The following HDAC9 variants were observed in gnomAD, a reference collection of about 807,000 sequenced individuals.
The protein encoded by HDAC9 is histone deacetylase 9.
In HDAC9, 41 loss-of-function variants were observed where a neutral mutation model predicts 139.4. That is an observed-to-expected ratio of 0.29 (90% CI 0.23 to 0.38). HDAC9 has a LOEUF of 0.38. Ranked by LOEUF, HDAC9 falls within the 10% of genes least tolerant of loss-of-function variation. The pLI is 1.00. For missense variants in HDAC9, 1,147 were observed against 1,297.0 expected, an observed-to-expected ratio of 0.88 and a Z score of 1.78; for synonymous variants, 517 against 476.2, an observed-to-expected ratio of 1.09 and a Z score of -1.12.
At position 18,954,324 on chromosome 7, in the gene HDAC9, T is replaced by C. The variant is rs1008997431; in HGVS notation, c.3022+94T>C. 3.9e-5 allele frequency: 37 copies of C among 946,850 alleles called. No individual in the cohort carries two copies. The Admixed American group carries it at 8.4e-4, about 22-fold the overall frequency. The allele number at this position is 946,850 out of a possible 1,614,324, so 58.7% of individuals were successfully genotyped here. On this transcript the variant is annotated intron_variant, in intron 24 of 25. Coordinates refer to ENST00000686413, the MANE Select transcript of HDAC9 (RefSeq NM_178425.4). Reference sequence around the variant, plus strand: ...AGTACAAAGAAACATTTATTTAGAGTTATCATAATTTGCACATGCGTTCTT... The same window carrying C: ...AGTACAAAGAAACATTTATTTAGAGCTATCATAATTTGCACATGCGTTCTT...
intron 2 of HDAC9, among the ~76,000 whole-genome samples, chr7:18,228,756 A>G (rs1793239979): frequency 6.6e-6 from 1 of 152,198 alleles, no homozygotes; most frequent in Admixed American, 6.6e-5. Context: ...TACAACTTTG[A>G]ACTCAGGAAG....
intron 6 of HDAC9, among the ~76,000 whole-genome samples, chr7:18,607,257 T>C (rs946731326): frequency 9.2e-5 from 14 of 152,180 alleles, no homozygotes; most frequent in African/African-American, 3.4e-4. Flanking sequence ...TTGTAAGAAC[T>C]TCGAAAATCT....
chr7:18,156,288 G>A (rs79893395), intron 1 of HDAC9, among the ~76,000 whole-genome samples: 6,857 of 152,252 alleles, frequency 0.045, 232 homozygotes, highest in Non-Finnish European at 0.065. Flanking sequence ...AAAAGCCTGG[G>A]AAGTGACCCT....
chr7:18,872,480 G>T (rs919002380), intron 21 of HDAC9, among the ~76,000 whole-genome samples: 1 of 152,122 alleles, frequency 6.6e-6, no homozygotes. Flanking sequence ...TAAGAAAAGG[G>T]CACTATAAAG....
chr7:18,712,019 G>A (rs1322189576), intron 12 of HDAC9, among the ~76,000 whole-genome samples: 3 of 151,548 alleles, frequency 2.0e-5, no homozygotes, highest in African/African-American at 7.3e-5. Flanking sequence ...CCCAGTGGAT[G>A]TAGTGGGCCA....
intron 2 of HDAC9, among the ~76,000 whole-genome samples, chr7:18,205,495 A>G (rs958640468): frequency 6.6e-6 from 1 of 152,084 alleles, no homozygotes; most frequent in African/African-American, 2.4e-5. Flanking sequence ...TAATTATACT[A>G]TAATGCTACA....
intron 2 of HDAC9, among the ~76,000 whole-genome samples, chr7:18,521,915 G>A (rs965679478): frequency 1.3e-5 from 2 of 152,130 alleles, no homozygotes; most frequent in African/African-American, 2.4e-5. Flanking sequence ...GCCTTAGTAC[G>A]ATGTCTGGAA....
intron 2 of HDAC9, among the ~76,000 whole-genome samples, chr7:18,180,039 C>G (rs772625138): frequency 6.6e-6 from 1 of 152,154 alleles, no homozygotes; most frequent in Non-Finnish European, 1.5e-5. Flanking sequence ...CCAGATTTGT[C>G]TCTGTCTTTA....
intron 2 of HDAC9, among the ~76,000 whole-genome samples, chr7:18,187,253 C>A (rs1026809491): frequency 6.6e-6 from 1 of 152,158 alleles, no homozygotes; most frequent in African/African-American, 2.4e-5. Flanking sequence ...ATCTTCACAG[C>A]AATCCTGTGA....
At chr7:18,760,981 G>A (rs924759680) in intron 14 of HDAC9, among the ~76,000 whole-genome samples, 4 of 152,334 alleles carry the variant, frequency 2.6e-5, no homozygotes, top group East Asian at 1.9e-4. Context: ...GTTACCTGGT[G>A]GTTCCTTGGT....
intron 1 of HDAC9, among the ~76,000 whole-genome samples, chr7:18,356,632 C>T (rs1184595385): frequency 6.6e-6 from 1 of 152,042 alleles, no homozygotes; most frequent in African/African-American, 2.4e-5. Context: ...ACTTTCACAA[C>T]CTTTTTCCTT....
chr7:18,238,609 T>C (rs1038908284), intron 2 of HDAC9, among the ~76,000 whole-genome samples: 2 of 152,154 alleles, frequency 1.3e-5, no homozygotes, highest in Non-Finnish European at 2.9e-5. Context: ...AGTACCACAA[T>C]TTTTAGATTC....
At chr7:18,171,567 A>T (rs1235461867) in intron 2 of HDAC9, among the ~76,000 whole-genome samples, 4 of 152,130 alleles carry the variant, frequency 2.6e-5, no homozygotes, top group Admixed American at 6.6e-5. Flanking sequence ...ATTCAGTATG[A>T]TATTGGCTGT....
intron 1 of HDAC9, among the ~76,000 whole-genome samples, chr7:18,463,631 T>C (rs1168488454): frequency 6.6e-6 from 1 of 151,932 alleles, no homozygotes; most frequent in East Asian, 1.9e-4. Context: ...CAGTTACCTT[T>C]TTAAAAAATT....
At chr7:18,446,243 A>C (rs181991027) in intron 1 of HDAC9, among the ~76,000 whole-genome samples, 4 of 152,380 alleles carry the variant, frequency 2.6e-5, no homozygotes, top group Admixed American at 6.5e-5. Flanking sequence ...GAAGATGGCC[A>C]AAAATAAATA....
In HDAC9 at chr7:18,252,531, A is replaced by T. The variant is rs758752818; in HGVS notation, c.25+90182A>T. 5.7e-4 allele frequency among the ~76,000 whole-genome samples: 87 copies of T among 152,332 alleles called. No homozygotes were observed. The Middle Eastern group carries it at 0.024, about 42-fold the overall frequency. ...GAATGACTTCAGAAATATCAAAATT[A>T]GGAATCCTTCTCTGTTGCCATGTTT... On this transcript the variant is annotated intron_variant, in intron 2 of 12. Coordinates refer to the HDAC9 transcript ENST00000417496.
intron 2 of HDAC9, among the ~76,000 whole-genome samples, chr7:18,204,835 GT>G (rs1433965008): frequency 6.6e-6 from 1 of 151,688 alleles, no homozygotes; most frequent in Admixed American, 6.6e-5. Flanking sequence ...GCAATATGTT[GT>G]TTTTTTATTT....
intron 2 of HDAC9, among the ~76,000 whole-genome samples, chr7:18,257,981 C>A (rs1453338093): frequency 6.6e-6 from 1 of 152,132 alleles, no homozygotes; most frequent in Non-Finnish European, 1.5e-5. Context: ...ACTCTCCAAC[C>A]CCATCTCAGA....
intron 13 of HDAC9, among the ~76,000 whole-genome samples, chr7:18,728,667 T>C (rs2129130080): frequency 6.6e-6 from 1 of 152,354 alleles, no homozygotes; most frequent in African/African-American, 2.4e-5. Flanking sequence ...TGATTTATTT[T>C]AAAATCCATT....
Sources: gnomAD v4.1 joint callset for allele counts (sites outside exome capture counted in the v4.1 genomes callset) on GRCh38, gnomAD v4.1.1 for gene constraint, MANE v1.5 for transcripts, NCBI Gene and HGNC (gene_info 2026-07-23, HGNC 2026-07-21) for gene names.